The following ARFGEF3 variants were observed in gnomAD, a reference collection of about 807,000 sequenced individuals.
The protein encoded by ARFGEF3 is brefeldin A-inhibited guanine nucleotide-exchange protein 3.
In ARFGEF3, 96 loss-of-function variants were observed where a neutral mutation model predicts 221.7. The ratio of observed to expected loss-of-function variants is 0.43; its 90% confidence interval spans 0.37 to 0.51. The LOEUF (loss-of-function observed/expected upper bound fraction) is 0.51. Ranked by LOEUF, ARFGEF3 falls within the 20% of genes least tolerant of loss-of-function variation. The probability of loss-of-function intolerance (pLI) is 0.00; values close to 1 mark genes in which losing one functional copy is unlikely to be tolerated. For missense variants in ARFGEF3, 2,410 were observed against 2,789.9 expected (o/e 0.86, Z 3.07); for synonymous variants, 1,145 against 1,126.8 (o/e 1.02, Z -0.32).
At chr6:138,167,860 CAA>C (rs777241604) in intron 1 of ARFGEF3, among the ~76,000 whole-genome samples, 5 of 152,182 alleles carry the variant, frequency 3.3e-5, no homozygotes, top group Non-Finnish European at 5.9e-5. Context: ...AGGATAAAAA[CAA>C]AAGTCCTTGG....
At chr6:138,319,990 C>A in intron 28 of ARFGEF3, 111 bp downstream of exon 28, 1 of 869,420 alleles carries the variant, frequency 1.2e-6, no homozygotes, top group Non-Finnish European at 1.8e-6. Context: ...GGGTTTTTGT[C>A]CTGGGAATTA....
intron 29 of ARFGEF3, among the ~76,000 whole-genome samples, chr6:138,322,708 T>C (rs1460448789): frequency 6.6e-6 from 1 of 150,694 alleles, no homozygotes; most frequent in African/African-American, 2.4e-5. Context: ...GGCAGGAGAA[T>C]TGCTTGAACC....
At position 138,291,578 on chromosome 6, in the gene ARFGEF3, A is replaced by G. The variant is rs1436178264; in HGVS notation, c.3048-155A>G. On this transcript the variant is annotated intron_variant, in intron 18 of 33. Transcript: ENST00000251691. This position sits in a 1 kb window ranked among gnomAD's most constrained non-coding sequence, Gnocchi z 4.5. ...AATAATAATGCTGTGTGACATGAGAACACAGGAGGGAAGGACTGACTGTCA... is the reference window on the plus strand; with the variant it reads ...AATAATAATGCTGTGTGACATGAGAGCACAGGAGGGAAGGACTGACTGTCA... Among the ~76,000 whole-genome samples, 1 of 152,206 alleles carries G rather than the reference A, an allele frequency of 6.6e-6. No homozygotes were observed. Among genetic ancestry groups the G allele is most frequent in the African/African-American group, 2.4e-5 (1 of 41,450 alleles).
chr6:138,218,955 T>C (rs1435377706), intron 4 of ARFGEF3, among the ~76,000 whole-genome samples: 1 of 152,196 alleles, frequency 6.6e-6, no homozygotes, highest in African/African-American at 2.4e-5. Context: ...CCTTTTTTTA[T>C]TGATTTATTA....
intron 12 of ARFGEF3, among the ~76,000 whole-genome samples, chr6:138,270,508 A>T (rs1193121742): frequency 1.4e-4 from 21 of 151,856 alleles, no homozygotes; most frequent in Non-Finnish European, 1.5e-5. Flanking sequence ...CTAACTTCAG[A>T]TCCCAGCTCT....
chr6:138,239,117 G>C (rs1778347239), intron 6 of ARFGEF3, among the ~76,000 whole-genome samples: 1 of 152,152 alleles, frequency 6.6e-6, no homozygotes, highest in South Asian at 2.1e-4. Flanking sequence ...GCCCACTAGA[G>C]CTTTTTGCTC....
At chr6:138,321,304 G>C (rs1182557111) in intron 29 of ARFGEF3, 79 bp downstream of exon 29, 11 of 824,652 alleles carry the variant, frequency 1.3e-5, no homozygotes, top group Non-Finnish European at 1.9e-5. Flanking sequence ...TGTCTTTGTG[G>C]TAGGAATCGA....
At position 138,340,262 on chromosome 6, in the gene ARFGEF3, A is replaced by T. The variant is rs1416905903; in HGVS notation, c.*3776A>T. On this transcript the variant is annotated 3_prime_UTR_variant, in exon 34 of 34. Transcript: ENST00000251691. ...AAATTTTTAAATCAAACATGACAAA[A>T]ATGTTAATATAATTCAGAAGTACCT... is the stretch of plus-strand genomic sequence containing the variant. The T allele has an allele frequency of 1.3e-5, 2 of 152,200 alleles. No individual in the cohort carries two copies. Among genetic ancestry groups the T allele is most frequent in the Non-Finnish European group, 2.9e-5 (2 of 68,036 alleles). The allele number at this position is 152,200 out of a possible 1,614,324, so 9.4% of individuals were successfully genotyped here. A position where few individuals can be genotyped will look rare whatever the true frequency, so the allele number is the denominator to read the frequency against.
rs201078670 is a variant in ARFGEF3, at chr6:138,238,470, C to T, written c.421-39C>T. On this transcript the variant is annotated intron_variant, in intron 5 of 33. Transcript: ENST00000251691. The stretch of plus-strand genomic sequence containing the variant: ...AAAGAATGTTGGTAATAAGCTGATA[C>T]CTGCAGACATGTGTGTTGCTGTCTT... 6 of 1,593,842 alleles carry T rather than the reference C, an allele frequency of 3.8e-6. No individual in the cohort carries two copies. The Admixed American group carries it at 8.5e-5, about 23-fold the overall frequency.
chr6:138,242,838 C>T (rs1509682), intron 6 of ARFGEF3, 114 bp from the exon 7 acceptor site: 116,599 of 805,640 alleles, frequency 0.14, 14,499 homozygotes, highest in African/African-American at 0.5. Flanking sequence ...GCAAGGTAGC[C>T]GAGCCCAGGG....
chr6:138,311,437 G>A lies in ARFGEF3; in HGVS notation c.4127G>A (p.Cys1376Tyr), dbSNP rs748411618. Residue 1376 changes from cysteine to tyrosine, a missense_variant, in exon 25 of 34, where the codon TGT (cysteine) becomes TAT (tyrosine). Physicochemically the swap from Cys to Tyr is radical, Grantham distance 194 (BLOSUM62 -2). Coordinates refer to ENST00000251691, the MANE Select transcript of ARFGEF3 (RefSeq NM_020340.5). ...GTGGACTGTAAAGAGATTGGAGACT[G>A]TGCCCCAGCACCCGGAGCCCCGTCC... ...GEVDCKEIGD[C>Y]APAPGAPSTD... 6.2e-7 allele frequency: 1 copy of A among 1,608,682 alleles called. No individual in the cohort carries two copies. Among genetic ancestry groups the A allele is most frequent in the East Asian group, 2.2e-5 (1 of 44,700 alleles).
intron 4 of ARFGEF3, among the ~76,000 whole-genome samples, chr6:138,219,787 G>T (rs760972): frequency 0.35 from 52,850 of 151,874 alleles, 11,874 homozygotes; most frequent in African/African-American, 0.61. Flanking sequence ...TTTTGACATA[G>T]ATGTGCGTGT....
At position 138,291,975 on chromosome 6, in the gene ARFGEF3, C is replaced by A; in HGVS notation, c.3290C>A (p.Ser1097Tyr). The change falls in exon 19 of 34, where the codon TCC becomes TAC. Residue 1097 changes from serine to tyrosine, a missense_variant. This residue lies in a region of ARFGEF3 where 184 missense variants were observed against 141.8 expected (regional missense o/e 1.30). Coordinates refer to ENST00000251691, the MANE Select transcript of ARFGEF3 (RefSeq NM_020340.5). The surrounding 1 kb of genome is among the most constrained non-coding windows in gnomAD (Gnocchi z 4.5). ...CGGGAAGGCAGCCGGGGTCGGGCCTCCGACTTCCGCGGCGGGAGCCTCATG... is the reference window on the plus strand; with the variant it reads ...CGGGAAGGCAGCCGGGGTCGGGCCTACGACTTCCGCGGCGGGAGCCTCATG... ...LVREGSRGRA[S>Y]DFRGGSLMSG... 6.5e-7 allele frequency: 1 copy of A among 1,536,266 alleles called. No individual in the cohort carries two copies. Among genetic ancestry groups the A allele is most frequent in the Non-Finnish European group, 8.7e-7 (1 of 1,144,454 alleles).
intron 8 of ARFGEF3, among the ~76,000 whole-genome samples, chr6:138,248,630 G>C (rs111506964): frequency 6.6e-6 from 1 of 152,064 alleles, no homozygotes. Context: ...TTCGAGACCA[G>C]CCTGGCCAAC....
chr6:138,262,725 A>G lies in ARFGEF3; in HGVS notation c.1242A>G (p.Ala414=). The change falls in exon 12 of 34, where the codon GCA becomes GCG. Residue 414 remains alanine (A), a synonymous_variant. Transcript: ENST00000251691. ...LKLIMDGMTE[A]CIKGGIEACY... is the part of the protein sequence containing the mutation. ...GCATCATGGATGGCATGACCGAAGC[A>G]TGCATCAAGGGTGGCATCGAAGCTT... 1 of 1,605,702 alleles carries G rather than the reference A, an allele frequency of 6.2e-7. No homozygotes were observed. The highest frequency in any genetic ancestry group is 2.2e-5 in the East Asian group (1 of 44,618).
Position 138,298,716 on chromosome 6 carries a change from T to G in ARFGEF3, c.3759T>G (p.Asn1253Lys), listed in dbSNP as rs143907069. ...DWNEPPHFHF[N>K]EALFRPFERI... is the part of the protein sequence containing the mutation. ...ATGAGCCACCTCATTTTCACTTCAATGAAGCACTCTTCCGACCTTTCGAGC... is the reference window on the plus strand; with the variant it reads ...ATGAGCCACCTCATTTTCACTTCAAGGAAGCACTCTTCCGACCTTTCGAGC... The change falls in exon 22 of 34, where the codon AAT becomes AAG. Residue 1253 changes from asparagine to lysine, a missense_variant. Physicochemically the swap from Asn to Lys is moderately conservative, Grantham distance 94 (BLOSUM62 0). This residue lies in a region of ARFGEF3 where 723 missense variants were observed against 991.9 expected (regional missense o/e 0.73). Transcript: ENST00000251691. 7.1e-5 allele frequency: 115 copies of G among 1,613,550 alleles called. No individual in the cohort carries two copies. In the African/African-American group the frequency reaches 1.4e-3, roughly 20 times the overall value.
At chr6:138,204,156 T>C (rs1777587127) in intron 2 of ARFGEF3, among the ~76,000 whole-genome samples, 1 of 151,544 alleles carries the variant, frequency 6.6e-6, no homozygotes, top group African/African-American at 2.4e-5. Flanking sequence ...CTGGCCAACA[T>C]GGTGAAACCC....
Position 138,162,931 on chromosome 6 carries a change from C to CT in ARFGEF3, c.85+765dup, listed in dbSNP as rs1776647515. Among the ~76,000 whole-genome samples the CT allele has an allele frequency of 6.6e-6, 1 of 152,190 alleles. No individual in the cohort carries two copies. Among genetic ancestry groups the CT allele is most frequent in the Non-Finnish European group, 1.5e-5 (1 of 68,022 alleles). On this transcript the variant is annotated intron_variant, in intron 1 of 33. Transcript: ENST00000251691. The surrounding 1 kb of genome is among the most constrained non-coding windows in gnomAD (Gnocchi z 4.7). The stretch of plus-strand genomic sequence containing the variant: ...AAGCATACTTTGGGTGATGGTGATG[C>CT]TTTTTAGAAAGGAAAGGCCAAGAAG...
intron 2 of ARFGEF3, among the ~76,000 whole-genome samples, chr6:138,175,420 C>T (rs1735566445): frequency 6.6e-6 from 1 of 152,162 alleles, no homozygotes; most frequent in African/African-American, 2.4e-5. Flanking sequence ...TTACATGCAT[C>T]TTTGCAGGGT....
Sources: allele counts gnomAD v4.1 joint callset (sites outside exome capture counted in the v4.1 genomes callset), GRCh38; gene constraint gnomAD v4.1.1; regional missense constraint gnomAD v4.1.1; non-coding constraint Gnocchi (gnomAD v3.1); transcripts MANE v1.5; gene names NCBI Gene and HGNC (gene_info 2026-07-23, HGNC 2026-07-21).